The following NTN1 variants were observed in gnomAD, a reference collection of about 807,000 sequenced individuals.
The protein encoded by NTN1 is netrin-1.
In NTN1, 11 loss-of-function variants were observed where a neutral mutation model predicts 54.2. The observed-to-expected ratio is 0.20, with a 90% CI of 0.13 to 0.34. The LOEUF is 0.34. NTN1 is among the 10% of genes least tolerant of loss of function. NTN1 has a pLI of 1.00. For synonymous variants in NTN1, 371 were observed against 382.0 expected (o/e 0.97, Z 0.33); for missense variants, 740 against 893.1 (o/e 0.83, Z 2.18).
At chr17:9,168,157 T>C (rs760209895) in intron 3 of NTN1, among the ~76,000 whole-genome samples, 1 of 152,200 alleles carries the variant, frequency 6.6e-6, no homozygotes, top group East Asian at 1.9e-4. Flanking sequence ...TTTGAGGAGA[T>C]AGATTGATCA....
At chr17:9,012,834 A>G in the NTN1 span, among the ~76,000 whole-genome samples, 1 of 152,176 alleles carries the variant, frequency 6.6e-6, no homozygotes, top group Non-Finnish European at 1.5e-5. Context: ...TGATAACTAG[A>G]AGTTGTCAGA....
intron 5 of NTN1, among the ~76,000 whole-genome samples, chr17:9,209,554 T>C (rs1905047396): frequency 6.6e-6 from 1 of 152,178 alleles, no homozygotes; most frequent in African/African-American, 2.4e-5. Flanking sequence ...AGCCTGCCTC[T>C]GCCCCTGTTG....
chr17:9,193,102 GA>G (rs966579541), intron 5 of NTN1, among the ~76,000 whole-genome samples: 2 of 93,096 alleles, frequency 2.1e-5, no homozygotes, highest in African/African-American at 3.9e-5. Flanking sequence ...AAAAGAAAAA[GA>G]AAAAAAAGCC....
chr17:9,128,986 C>T (rs1274036674), intron 2 of NTN1, among the ~76,000 whole-genome samples: 1 of 152,172 alleles, frequency 6.6e-6, no homozygotes, highest in Admixed American at 6.5e-5. Flanking sequence ...CCTGTGTAAC[C>T]CAAGGCTGGG....
intron 4 of NTN1, among the ~76,000 whole-genome samples, chr17:9,181,885 T>C (rs2092419800): frequency 1.3e-5 from 2 of 152,202 alleles, no homozygotes; most frequent in Non-Finnish European, 2.9e-5. Flanking sequence ...GCTGAACCGA[T>C]GAGCAGTGGG....
At chr17:9,193,018 T>C (rs897423964) in intron 5 of NTN1, among the ~76,000 whole-genome samples, 1 of 144,676 alleles carries the variant, frequency 6.9e-6, no homozygotes, top group Non-Finnish European at 1.5e-5. Context: ...AGGCGGAGGT[T>C]GCAGTGAGCC....
intron 3 of NTN1, among the ~76,000 whole-genome samples, chr17:9,170,424 G>C (rs767833289): frequency 6.6e-6 from 1 of 152,154 alleles, no homozygotes; most frequent in Non-Finnish European, 1.5e-5. Flanking sequence ...TGGTTCTTTC[G>C]GTGAGTGGTG....
chr17:9,229,314 A>C (rs1249493262), intron 6 of NTN1, among the ~76,000 whole-genome samples: 2 of 152,160 alleles, frequency 1.3e-5, no homozygotes, highest in Non-Finnish European at 2.9e-5. Flanking sequence ...TTGCCCAGCC[A>C]ACAACTATTC....
chr17:9,007,602 C>T, the NTN1 span, among the ~76,000 whole-genome samples: 2 of 144,314 alleles, frequency 1.4e-5, no homozygotes, highest in African/African-American at 5.2e-5. Flanking sequence ...TCCTACCTTC[C>T]TTCCTTCCTT....
upstream of NTN1, among the ~76,000 whole-genome samples, chr17:9,018,126 C>A (rs773152850): frequency 2.0e-5 from 3 of 152,032 alleles, no homozygotes; most frequent in Non-Finnish European, 2.9e-5. Context: ...AGGTTCTAGA[C>A]CTCCTGGATA....
intron 6 of NTN1, among the ~76,000 whole-genome samples, chr17:9,232,344 C>A (rs937547096): frequency 2.6e-5 from 4 of 152,208 alleles, no homozygotes; most frequent in African/African-American, 9.6e-5. Flanking sequence ...AGTCCCCGAT[C>A]TCTTCTCACT....
At chr17:9,062,407 G>C (rs1416212255) in intron 2 of NTN1, among the ~76,000 whole-genome samples, 1 of 152,118 alleles carries the variant, frequency 6.6e-6, no homozygotes, top group African/African-American at 2.4e-5. Flanking sequence ...CAAATGTCAG[G>C]CTGTATGATA....
At chr17:9,190,678 C>G (rs2142327171) in intron 5 of NTN1, among the ~76,000 whole-genome samples, 1 of 152,176 alleles carries the variant, frequency 6.6e-6, no homozygotes, top group South Asian at 2.1e-4. Flanking sequence ...ATGGTGAAAC[C>G]CCATCTCTAC....
intron 6 of NTN1, among the ~76,000 whole-genome samples, chr17:9,229,191 T>G (rs574540742): frequency 6.6e-6 from 1 of 151,962 alleles, no homozygotes; most frequent in South Asian, 2.1e-4. Context: ...TGTGCTCTCT[T>G]GGGGGTCCGT....
At chr17:9,009,946 C>T in the NTN1 span, among the ~76,000 whole-genome samples, 1 of 152,232 alleles carries the variant, frequency 6.6e-6, no homozygotes, top group South Asian at 2.1e-4. Flanking sequence ...CACTCGTAAT[C>T]TGGGGAACTT....
At chr17:9,222,370 C>T (rs946205906) in intron 6 of NTN1, among the ~76,000 whole-genome samples, 3 of 152,262 alleles carry the variant, frequency 2.0e-5, no homozygotes, top group Admixed American at 6.5e-5. Context: ...GAAGGCAGAA[C>T]GACCTCTCTG....
At chr17:9,218,427 G>T (rs1030395635) in intron 5 of NTN1, among the ~76,000 whole-genome samples, 1 of 152,212 alleles carries the variant, frequency 6.6e-6, no homozygotes. Flanking sequence ...GGTACAGACT[G>T]GATATTCATG....
intron 2 of NTN1, among the ~76,000 whole-genome samples, chr17:9,134,034 A>G (rs1000811054): frequency 1.3e-5 from 2 of 149,220 alleles, no homozygotes; most frequent in Non-Finnish European, 3.0e-5. Flanking sequence ...CCTCCCAAGT[A>G]GCTGGGATTA....
At position 9,165,114 on chromosome 17, in the gene NTN1, TG is replaced by T. The variant is rs201090637; in HGVS notation, c.1207+2116del. Among the ~76,000 whole-genome samples, 1,433 of 152,270 alleles carry T rather than the reference TG, an allele frequency of 9.4e-3. 25 individuals are homozygous for T. The highest frequency in any genetic ancestry group is 0.033 in the African/African-American group (1,369 of 41,554). On this transcript the variant is annotated intron_variant, in intron 3 of 6. Transcript: ENST00000173229. The surrounding 1 kb of genome is among the most constrained non-coding windows in gnomAD (Gnocchi z 4.5). ...TTTTACCCAACAGCGGCCACTCAGG[TG>T]GGCAGTCCTGTGCCTGAGAGTGAGA...
Sources: gnomAD v4.1 joint callset for allele counts (sites outside exome capture counted in the v4.1 genomes callset) on GRCh38, gnomAD v4.1.1 for gene constraint, Gnocchi (gnomAD v3.1) non-coding constraint, MANE v1.5 for transcripts, NCBI Gene and HGNC (gene_info 2026-07-23, HGNC 2026-07-21) for gene names.